Variants in RHOU observed in about 807,000 individuals in gnomAD.
RHOU encodes ras homolog family member U, also known as rho-related GTP-binding protein RhoU.
Under a neutral mutation model 12.6 loss-of-function variants are expected in RHOU, and 8 were observed. The ratio of observed to expected loss-of-function variants is 0.64; its 90% CI spans 0.37 to 1.15. The LOEUF (loss-of-function observed/expected upper bound fraction) is 1.15. RHOU is among the 50% of genes most tolerant of loss of function. The pLI, the probability that RHOU is intolerant of heterozygous loss-of-function variation, is 0.01. For missense variants in RHOU, 258 were observed against 347.0 expected (o/e 0.74, Z 2.04); for synonymous variants, 161 against 147.4 (o/e 1.09, Z -0.67).
At chr1:228,663,599 G>GTTTTT in the RHOU span, among the ~76,000 whole-genome samples, 1 of 87,914 alleles carries the variant, frequency 1.1e-5, no homozygotes, top group Admixed American at 1.1e-4. Context: ...TTTCTTTTCT[G>GTTTTT]TTTTTCTTTT....
Position 228,738,383 on chromosome 1 carries a change from C to T in RHOU, c.321+652C>T, listed in dbSNP as rs142593448. On this transcript the variant is annotated intron_variant, in intron 2 of 2. Transcript: ENST00000366691. The surrounding 1 kb of genome is among the most constrained non-coding windows in gnomAD (Gnocchi z 4.2). Reference sequence around the variant, plus strand: ...GTGTAGGGTTCCCTCTTTGTGTTCCCCAGAAGAAGCCCCCATTGGTGGGTA... The same window carrying T: ...GTGTAGGGTTCCCTCTTTGTGTTCCTCAGAAGAAGCCCCCATTGGTGGGTA... Among the ~76,000 whole-genome samples, 1 of 152,056 alleles carries T rather than the reference C, an allele frequency of 6.6e-6. No homozygotes were observed. Among genetic ancestry groups the T allele is most frequent in the African/African-American group, 2.4e-5 (1 of 41,396 alleles).
chr1:228,705,053 TGGCCTCCCAAAATGCTGGCATTATA>T, the RHOU span, among the ~76,000 whole-genome samples: 1 of 151,786 alleles, frequency 6.6e-6, no homozygotes, highest in Non-Finnish European at 1.5e-5. Flanking sequence ...CTGCCCACCT[TGGCCTCCCAAAATGCTGGCATTATA>T]GGCATGAGCC....
the RHOU span, among the ~76,000 whole-genome samples, chr1:228,663,634 T>TTTTC: frequency 1.5e-5 from 2 of 133,666 alleles, no homozygotes; most frequent in African/African-American, 5.6e-5. Context: ...TCTTTTTTTT[T>TTTTC]TTTTTTTTTT....
the RHOU span, among the ~76,000 whole-genome samples, chr1:228,668,005 C>T: frequency 6.6e-6 from 1 of 152,026 alleles, no homozygotes; most frequent in Non-Finnish European, 1.5e-5. Flanking sequence ...CTGGTGGTTG[C>T]CAAGATAGCT....
the RHOU span, among the ~76,000 whole-genome samples, chr1:228,675,890 T>A: frequency 1.3e-5 from 2 of 152,142 alleles, no homozygotes; most frequent in African/African-American, 4.8e-5. Flanking sequence ...ACTTTCAGGT[T>A]TCTTTGGAGA....
In RHOU at chr1:228,737,828, C is replaced by T; in HGVS notation, c.321+97C>T. The T allele has an allele frequency of 1.5e-6, 2 of 1,349,960 alleles. No homozygotes were observed. Among genetic ancestry groups the T allele is most frequent in the Non-Finnish European group, 1.1e-6 (1 of 951,518 alleles). The allele number at this position is 1,349,960 out of a possible 1,614,324, so 83.6% of individuals were successfully genotyped here. A position where few individuals can be genotyped will look rare whatever the true frequency, so the allele number is the denominator to read the frequency against. ...TCCCTCAGTCAGTAACTGGGTCATT[C>T]TAAAGCCTCATGAAGTGGACCCACC... is the stretch of plus-strand genomic sequence containing the variant. On this transcript the variant is annotated intron_variant, in intron 2 of 2. Coordinates refer to ENST00000366691, the MANE Select transcript of RHOU (RefSeq NM_021205.6). This position sits in a 1 kb window ranked among gnomAD's most constrained non-coding sequence, Gnocchi z 4.1.
chr1:228,717,848 TA>T, the RHOU span, among the ~76,000 whole-genome samples: 1 of 152,180 alleles, frequency 6.6e-6, no homozygotes, highest in Non-Finnish European at 1.5e-5. Context: ...GCCAGTCATT[TA>T]AAAAGTTAAT....
the RHOU span, among the ~76,000 whole-genome samples, chr1:228,689,211 G>A: frequency 6.6e-6 from 1 of 152,136 alleles, no homozygotes; most frequent in Non-Finnish European, 1.5e-5. Context: ...AAAGGACCCT[G>A]AGTTTGTCAG....
At chr1:228,708,419 T>C in the RHOU span, among the ~76,000 whole-genome samples, 27 of 151,042 alleles carry the variant, frequency 1.8e-4, no homozygotes, top group Non-Finnish European at 3.1e-4. Context: ...AAAGGTCGGG[T>C]TACCCTCAAA....
chr1:228,687,655 A>G, the RHOU span: 5 of 1,548,922 alleles, frequency 3.2e-6, no homozygotes, highest in South Asian at 2.2e-5. Context: ...GACAAAAATG[A>G]CCCCCATTTG....
chr1:228,699,095 T>G, the RHOU span, among the ~76,000 whole-genome samples: 1 of 150,422 alleles, frequency 6.6e-6, no homozygotes, highest in African/African-American at 2.5e-5. Flanking sequence ...GTTTTTTTTT[T>G]GTTTTTTTTA....
At chr1:228,707,130 A>ATATATATATATATATG in the RHOU span, among the ~76,000 whole-genome samples, 170 of 110,142 alleles carry the variant, frequency 1.5e-3, 2 homozygotes, top group Non-Finnish European at 2.2e-3. Flanking sequence ...ATATATACAT[A>ATATATATATATATATG]TATATATATA....
chr1:228,680,725 G>A, the RHOU span, among the ~76,000 whole-genome samples: 3 of 152,302 alleles, frequency 2.0e-5, no homozygotes, highest in Non-Finnish European at 1.5e-5. Flanking sequence ...GGGCGGTAAA[G>A]CATCTAAGGA....
chr1:228,659,078 A>AAAAAAAC, the RHOU span, among the ~76,000 whole-genome samples: 1 of 102,102 alleles, frequency 9.8e-6, no homozygotes, highest in African/African-American at 3.7e-5. Flanking sequence ...CTTACGTTTT[A>AAAAAAAC]AAAAAACAAA....
the RHOU span, among the ~76,000 whole-genome samples, chr1:228,705,375 G>A: frequency 2.6e-5 from 4 of 152,140 alleles, no homozygotes; most frequent in East Asian, 1.9e-4. Context: ...GCCTAATTCC[G>A]ACACATGTAA....
the RHOU span, among the ~76,000 whole-genome samples, chr1:228,657,824 T>C: frequency 4.6e-5 from 7 of 152,222 alleles, no homozygotes; most frequent in East Asian, 1.3e-3. Context: ...GCATATCAAA[T>C]ATCTTCTCTG....
At chr1:228,741,315 A>G (rs773549477) in intron 2 of RHOU, among the ~76,000 whole-genome samples, 1 of 152,206 alleles carries the variant, frequency 6.6e-6, no homozygotes, top group Non-Finnish European at 1.5e-5. Flanking sequence ...CAGGTCAGGC[A>G]CTGAGCAGGA....
chr1:228,703,621 C>G, the RHOU span, among the ~76,000 whole-genome samples: 1 of 152,140 alleles, frequency 6.6e-6, no homozygotes, highest in Non-Finnish European at 1.5e-5. Context: ...CTTAACTTAG[C>G]TACTTTTTCT....
At chr1:228,691,517 G>A in the RHOU span, among the ~76,000 whole-genome samples, 6 of 149,384 alleles carry the variant, frequency 4.0e-5, no homozygotes, top group Admixed American at 2.0e-4. Flanking sequence ...CTTATAGTGT[G>A]TGGCCTTTTC....
Sources: allele counts gnomAD v4.1 joint callset (sites outside exome capture counted in the v4.1 genomes callset), GRCh38; gene constraint gnomAD v4.1.1; non-coding constraint Gnocchi (gnomAD v3.1); transcripts MANE v1.5; gene names NCBI Gene and HGNC (gene_info 2026-07-23, HGNC 2026-07-21).